PEX3: variants seen among roughly 807,000 people sequenced by gnomAD.
PEX3 encodes peroxin-3.
PEX3 carries 30 observed loss-of-function variants against 55.8 expected under a neutral mutation model. The ratio of observed to expected loss-of-function variants is 0.54; its 90% confidence interval spans 0.40 to 0.73. The LOEUF is 0.73. Among genes scored for constraint, PEX3 ranks in the 30% least tolerant of loss-of-function variants. PEX3 has a pLI of 0.00. For missense variants in PEX3, 351 were observed against 432.8 expected, an observed-to-expected ratio of 0.81 and a Z score of 1.68; for synonymous variants, 135 against 148.4, an observed-to-expected ratio of 0.91 and a Z score of 0.66.
rs1780211622 is a variant in PEX3 at position 143,479,958 on chromosome 6, G to A, written c.941+760G>A. Among the ~76,000 whole-genome samples the A allele has an allele frequency of 6.6e-6, 1 of 151,942 alleles. No homozygotes were observed. Among genetic ancestry groups the A allele is most frequent in the African/African-American group, 2.4e-5 (1 of 41,384 alleles). On this transcript the variant is annotated intron_variant, in intron 10 of 11. Coordinates refer to ENST00000367591, the MANE Select transcript of PEX3 (RefSeq NM_003630.3). This position sits in a 1 kb window ranked among gnomAD's most constrained non-coding sequence, Gnocchi z 4.6. ...AATTTGAGACACATCCTTTGAAGTA[G>A]CTTTAAAATTTTTTTTTTAATTGGG...
chr6:143,480,451 C>A (rs1359533302), intron 10 of PEX3, among the ~76,000 whole-genome samples: 2 of 152,224 alleles, frequency 1.3e-5, no homozygotes, highest in Admixed American at 1.3e-4. Context: ...TAATCATTAT[C>A]TGTACTTTCA....
Position 143,463,122 on chromosome 6 carries a change from GA to G in PEX3, c.287+130del. 1.4e-6 allele frequency: 1 copy of G among 712,828 alleles called. No individual in the cohort carries two copies. The highest frequency in any genetic ancestry group is 2.5e-6 in the Non-Finnish European group (1 of 399,120). 44.2% of individuals were successfully genotyped at this position (712,828 alleles called of 1,614,324 possible). On this transcript the variant is annotated intron_variant, in intron 3 of 11. Transcript: ENST00000367591. This position sits in a 1 kb window ranked among gnomAD's most constrained non-coding sequence, Gnocchi z 5.7. ...ATGAAAGTTTATATAGGCTCAGTAA[GA>G]AAAATACTAACTATATCATTTAACC...
At chr6:143,468,926 T>C (rs1315018932) in intron 4 of PEX3, among the ~76,000 whole-genome samples, 2 of 150,570 alleles carry the variant, frequency 1.3e-5, no homozygotes, top group East Asian at 3.9e-4. Flanking sequence ...ATGTGGTGTT[T>C]GGTTTTCTGT....
Position 143,451,155 on chromosome 6 carries a change from G to T in PEX3, c.73+40G>T, listed in dbSNP as rs779123399. On this transcript the variant is annotated intron_variant, in intron 1 of 11. Coordinates refer to ENST00000367591, the MANE Select transcript of PEX3 (RefSeq NM_003630.3). This position sits in a 1 kb window ranked among gnomAD's most constrained non-coding sequence, Gnocchi z 4.1. ...GCTTGAAAGGGGGCATTGGGAGAAGGGGGTGGGAGAGGTGACTTCTTCTAA... is the reference window on the plus strand; with the variant it reads ...GCTTGAAAGGGGGCATTGGGAGAAGTGGGTGGGAGAGGTGACTTCTTCTAA... The T allele has an allele frequency of 5.8e-6, 8 of 1,376,234 alleles. No homozygotes were observed. Among genetic ancestry groups the T allele is most frequent in the Middle Eastern group, 1.8e-4 (1 of 5,646 alleles). The allele number at this position is 1,376,234 out of a possible 1,614,324, so 85.3% of individuals were successfully genotyped here. A position where few individuals can be genotyped will look rare whatever the true frequency, so the allele number is the denominator to read the frequency against.
At position 143,466,440 on chromosome 6, in the gene PEX3, T is replaced by A. The variant is rs1042412998; in HGVS notation, c.288-1682T>A. 6.6e-6 allele frequency among the ~76,000 whole-genome samples: 1 copy of A among 152,120 alleles called. No individual in the cohort carries two copies. The highest frequency in any genetic ancestry group is 2.1e-4 in the South Asian group (1 of 4,834). ...TTTAAGGAACCTTTATTTTACTTAATAATGGCCCCAAAGTGCCAGAGTAAT... is the reference window on the plus strand; with the variant it reads ...TTTAAGGAACCTTTATTTTACTTAAAAATGGCCCCAAAGTGCCAGAGTAAT... On this transcript the variant is annotated intron_variant, in intron 3 of 11. Coordinates refer to ENST00000367591, the MANE Select transcript of PEX3 (RefSeq NM_003630.3). The surrounding 1 kb of genome is among the most constrained non-coding windows in gnomAD (Gnocchi z 5.4).
At position 143,475,055 on chromosome 6, in the gene PEX3, T is replaced by C. The variant is rs1255927684; in HGVS notation, c.818+199T>C. 6.6e-6 allele frequency among the ~76,000 whole-genome samples: 1 copy of C among 152,204 alleles called. No individual in the cohort carries two copies. The highest frequency in any genetic ancestry group is 1.5e-5 in the Non-Finnish European group (1 of 68,022). ...GGATTTCTTAGGGTAACTCAGCTAC[T>C]AACTCTACTATCTGAATTCATCGAG... On this transcript the variant is annotated intron_variant, in intron 9 of 11. Coordinates refer to ENST00000367591, the MANE Select transcript of PEX3 (RefSeq NM_003630.3). The surrounding 1 kb of genome is among the most constrained non-coding windows in gnomAD (Gnocchi z 4.4).
At chr6:143,472,835 A>C (rs1210345034) in intron 8 of PEX3, among the ~76,000 whole-genome samples, 1 of 152,244 alleles carries the variant, frequency 6.6e-6, no homozygotes, top group Non-Finnish European at 1.5e-5. Flanking sequence ...TAATGATGAA[A>C]GTACAAAAAT....
Position 143,485,660 on chromosome 6 carries a change from A to G in PEX3, c.1038+412A>G, listed in dbSNP as rs1245391371. 6.6e-6 allele frequency among the ~76,000 whole-genome samples: 1 copy of G among 152,094 alleles called. No individual in the cohort carries two copies. Among genetic ancestry groups the G allele is most frequent in the African/African-American group, 2.4e-5 (1 of 41,436 alleles). The stretch of plus-strand genomic sequence containing the variant: ...AGCATTTTAGTGATTAATAAAATGT[A>G]ACAGTTAATAGTGCATCAATAATAT... On this transcript the variant is annotated intron_variant, in intron 11 of 11. Coordinates refer to ENST00000367591, the MANE Select transcript of PEX3 (RefSeq NM_003630.3). The surrounding 1 kb of genome is among the most constrained non-coding windows in gnomAD (Gnocchi z 5.6).
At position 143,459,350 on chromosome 6, in the gene PEX3, T is replaced by G; in HGVS notation, c.205+134T>G. The G allele has an allele frequency of 1.3e-6, 1 of 756,028 alleles. No individual in the cohort carries two copies. Among genetic ancestry groups the G allele is most frequent in the Non-Finnish European group, 2.3e-6 (1 of 431,444 alleles). The allele number at this position is 756,028 out of a possible 1,614,324, so 46.8% of individuals were successfully genotyped here. A position where few individuals can be genotyped will look rare whatever the true frequency, so the allele number is the denominator to read the frequency against. On this transcript the variant is annotated intron_variant, in intron 2 of 11. Transcript: ENST00000367591. This position sits in a 1 kb window ranked among gnomAD's most constrained non-coding sequence, Gnocchi z 4.2. ...CTAGCAAGTGTTTGAATGATTTAAC[T>G]GAATTACATCATTTTAATGTGAATT...
At position 143,484,451 on chromosome 6, in the gene PEX3, G is replaced by T. The variant is rs1226051540; in HGVS notation, c.942-701G>T. ...AGAAATCTTTAGAATATCTGATTGG[G>T]TATAGGCAAGAGAAAGAAGTGCCAG... On this transcript the variant is annotated intron_variant, in intron 10 of 11. Coordinates refer to ENST00000367591, the MANE Select transcript of PEX3 (RefSeq NM_003630.3). Among the ~76,000 whole-genome samples, 5 of 151,988 alleles carry T rather than the reference G, an allele frequency of 3.3e-5. No homozygotes were observed. The East Asian group carries it at 9.6e-4, about 29-fold the overall frequency.
chr6:143,484,942 C>CA lies in PEX3; in HGVS notation c.942-207dup. On this transcript the variant is annotated intron_variant, in intron 10 of 11. Coordinates refer to ENST00000367591, the MANE Select transcript of PEX3 (RefSeq NM_003630.3). ...GAGGTTTTTGGTAGACACAAAAAAA[C>CA]AAAGATATGTGTAAAAAAACGCCAA... 7.5e-6 allele frequency: 4 copies of CA among 530,160 alleles called. No individual in the cohort carries two copies. In the South Asian group the frequency reaches 8.4e-5, roughly 11 times the overall value. 32.8% of individuals were successfully genotyped at this position (530,160 alleles called of 1,614,324 possible). A position where few individuals can be genotyped will look rare whatever the true frequency, so the allele number is the denominator to read the frequency against.
chr6:143,457,423 G>C (rs1236485039), intron 1 of PEX3, among the ~76,000 whole-genome samples: 2 of 152,108 alleles, frequency 1.3e-5, no homozygotes, highest in Non-Finnish European at 2.9e-5. Context: ...AGTTCTAATT[G>C]TTTTTAGCAC....
Position 143,467,376 on chromosome 6 carries a change from TAAATA to T in PEX3, c.288-743_288-739del, listed in dbSNP as rs1284767730. The stretch of plus-strand genomic sequence containing the variant: ...CTTTTTGATCATATGCACATATAAA[TAAATA>T]AATAAATAAACATTTATTAGCTTAG... On this transcript the variant is annotated intron_variant, in intron 3 of 11. Transcript: ENST00000367591. 7.9e-5 allele frequency among the ~76,000 whole-genome samples: 12 copies of T among 152,162 alleles called. No individual in the cohort carries two copies. In the East Asian group the frequency reaches 2.3e-3, roughly 29 times the overall value.
chr6:143,457,334 A>G (rs1451833991), intron 1 of PEX3, among the ~76,000 whole-genome samples: 4 of 152,214 alleles, frequency 2.6e-5, no homozygotes, highest in Non-Finnish European at 5.9e-5. Flanking sequence ...GTAGCCACTT[A>G]TATGAACTCT....
rs1021755596 is a variant in PEX3, at chr6:143,485,911, G to T, written c.1038+663G>T. ...TGTGTTATAAGTTAAAAAATTGTTT[G>T]CAATGCCAGTTGCAAACTGCTTCAA... On this transcript the variant is annotated intron_variant, in intron 11 of 11. Coordinates refer to ENST00000367591, the MANE Select transcript of PEX3 (RefSeq NM_003630.3). This position sits in a 1 kb window ranked among gnomAD's most constrained non-coding sequence, Gnocchi z 5.6. 1.3e-5 allele frequency among the ~76,000 whole-genome samples: 2 copies of T among 152,092 alleles called. No homozygotes were observed. The highest frequency in any genetic ancestry group is 2.9e-5 in the Non-Finnish European group (2 of 67,988).
At position 143,482,696 on chromosome 6, in the gene PEX3, A is replaced by G. The variant is rs1780257671; in HGVS notation, c.942-2456A>G. 6.6e-6 allele frequency among the ~76,000 whole-genome samples: 1 copy of G among 151,982 alleles called. No homozygotes were observed. Among genetic ancestry groups the G allele is most frequent in the Admixed American group, 6.6e-5 (1 of 15,240 alleles). Reference sequence around the variant, plus strand: ...GAAATAGAATGTAAAATCCAGAAGTAGCCCTAAAAATTGTAGGATGTTAGT... The same window carrying G: ...GAAATAGAATGTAAAATCCAGAAGTGGCCCTAAAAATTGTAGGATGTTAGT... On this transcript the variant is annotated intron_variant, in intron 10 of 11. Coordinates refer to ENST00000367591, the MANE Select transcript of PEX3 (RefSeq NM_003630.3). The surrounding 1 kb of genome is among the most constrained non-coding windows in gnomAD (Gnocchi z 5.5).
At chr6:143,484,809 TTACTG>T (rs1780291072) in intron 10 of PEX3, among the ~76,000 whole-genome samples, 3 of 152,064 alleles carry the variant, frequency 2.0e-5, no homozygotes, top group African/African-American at 7.2e-5. Flanking sequence ...AGAGGACAGA[TTACTG>T]TATAGTCATT....
rs1173842354 is a variant in PEX3 at position 143,472,228 on chromosome 6, T to C, written c.647T>C (p.Val216Ala). Reference sequence around the variant, plus strand: ...AAACTAAAAGAAATCAGAAATCTCGTTGAGCAGCATAAGTCTTCTTCTTGG... The same window carrying C: ...AAACTAAAAGAAATCAGAAATCTCGCTGAGCAGCATAAGTCTTCTTCTTGG... ...EQKLKEIRNL[V>A]EQHKSSSWIN... The change falls in exon 8 of 12, where the codon GTT becomes GCT. Residue 216 changes from valine (V) to alanine (A), a missense_variant. Physicochemically the swap from Val to Ala is moderately conservative, Grantham distance 64. Coordinates refer to ENST00000367591, the MANE Select transcript of PEX3 (RefSeq NM_003630.3). The C allele has an allele frequency of 1.9e-6, 3 of 1,608,316 alleles. No homozygotes were observed. Among genetic ancestry groups the C allele is most frequent in the Admixed American group, 1.7e-5 (1 of 59,988 alleles).
rs555775950 is a variant in PEX3, at chr6:143,468,333, A to G, written c.331+168A>G. 6.6e-5 allele frequency among the ~76,000 whole-genome samples: 10 copies of G among 152,336 alleles called. No homozygotes were observed. The South Asian group carries it at 2.1e-3, about 32-fold the overall frequency. On this transcript the variant is annotated intron_variant, in intron 4 of 11. Transcript: ENST00000367591. ...AGATCAATGTCTGGTCATAGAAAGC[A>G]TTCAGTAAATGTTAGTGGTAATGCT... is the stretch of plus-strand genomic sequence containing the variant.
Sources: allele counts gnomAD v4.1 joint callset (sites outside exome capture counted in the v4.1 genomes callset), GRCh38; gene constraint gnomAD v4.1.1; non-coding constraint Gnocchi (gnomAD v3.1); transcripts MANE v1.5; gene names NCBI Gene and HGNC (gene_info 2026-07-23, HGNC 2026-07-21).